Variants in PIBF1 observed in about 807,000 individuals in gnomAD.
The protein encoded by PIBF1 is progesterone-induced-blocking factor 1.
In PIBF1, 90 loss-of-function variants were observed where a neutral mutation model predicts 112.5. That is an observed-to-expected ratio of 0.80 (90% confidence interval 0.67 to 0.95). PIBF1 has a LOEUF of 0.95. Ranked by LOEUF, PIBF1 falls within the 40% of genes least tolerant of loss-of-function variation. PIBF1 has a pLI of 0.00. For missense variants in PIBF1, 915 were observed against 852.3 expected (o/e 1.07, Z -0.92); for synonymous variants, 301 against 288.6 (o/e 1.04, Z -0.44).
At chr13:72,914,685 G>A (rs770541975) in intron 12 of PIBF1, among the ~76,000 whole-genome samples, 11 of 152,160 alleles carry the variant, frequency 7.2e-5, no homozygotes, top group Admixed American at 1.3e-4. Flanking sequence ...CTGGGCTCAA[G>A]TGATTCCCCC....
intron 13 of PIBF1, among the ~76,000 whole-genome samples, chr13:72,920,764 C>T (rs2041258816): frequency 6.6e-6 from 1 of 151,720 alleles, no homozygotes; most frequent in African/African-American, 2.4e-5. Flanking sequence ...AGTCACTGCA[C>T]TCCAGTCTGG....
At chr13:72,967,442 A>T (rs7999637) in intron 15 of PIBF1, among the ~76,000 whole-genome samples, 17,617 of 152,188 alleles carry the variant, frequency 0.12, 2,946 homozygotes, top group African/African-American at 0.37. Flanking sequence ...TATAAAGATG[A>T]ACAAATTCAG....
At chr13:72,919,627 C>A (rs1051148192) in intron 13 of PIBF1, among the ~76,000 whole-genome samples, 2 of 152,124 alleles carry the variant, frequency 1.3e-5, no homozygotes, top group Non-Finnish European at 2.9e-5. Context: ...AGGTCATATT[C>A]TTTTCTCTAT....
At chr13:72,911,923 A>G (rs1328857078) in intron 12 of PIBF1, among the ~76,000 whole-genome samples, 1 of 152,014 alleles carries the variant, frequency 6.6e-6, no homozygotes, top group African/African-American at 2.4e-5. Context: ...TGAGCTCAGG[A>G]GTTCAAGATT....
chr13:72,797,760 G>A (rs2035265293), intron 4 of PIBF1, 147 bp from the exon 5 acceptor site: 1 of 571,194 alleles, frequency 1.8e-6, no homozygotes, highest in East Asian at 3.1e-5. Flanking sequence ...TTGATAGAAA[G>A]TATTAGTGGC....
chr13:72,868,828 TAAAA>T (rs56290400), intron 10 of PIBF1, among the ~76,000 whole-genome samples: 29 of 114,234 alleles, frequency 2.5e-4, no homozygotes, highest in Admixed American at 7.2e-4. Flanking sequence ...TCCCAAAAAG[TAAAA>T]AAAAAAAAAA....
chr13:72,807,870 A>G lies in PIBF1; in HGVS notation c.672+9844A>G, dbSNP rs897349686. ...GTAACTTGAATTTCACAATGACACC[A>G]GTATATTTATCAGTAAATTTCTGCC... On this transcript the variant is annotated intron_variant, in intron 5 of 17. Coordinates refer to ENST00000326291, the MANE Select transcript of PIBF1 (RefSeq NM_006346.4). 2.0e-5 allele frequency among the ~76,000 whole-genome samples: 3 copies of G among 152,228 alleles called. No individual in the cohort carries two copies. In the South Asian group the frequency reaches 6.2e-4, roughly 32 times the overall value.
chr13:72,916,261 G>T (rs1454274092), intron 12 of PIBF1, among the ~76,000 whole-genome samples: 4 of 151,760 alleles, frequency 2.6e-5, no homozygotes, highest in Non-Finnish European at 5.9e-5. Context: ...GCTTGGTGGT[G>T]GGCACCTGCA....
At chr13:72,947,095 C>T (rs1049031043) in intron 14 of PIBF1, among the ~76,000 whole-genome samples, 1 of 152,240 alleles carries the variant, frequency 6.6e-6, no homozygotes, top group Non-Finnish European at 1.5e-5. Flanking sequence ...CAGCAAACTT[C>T]TGCCTGAACA....
intron 16 of PIBF1, among the ~76,000 whole-genome samples, chr13:72,979,649 C>T (rs2043106792): frequency 6.6e-6 from 1 of 152,064 alleles, no homozygotes; most frequent in Non-Finnish European, 1.5e-5. Context: ...ATTGGCCGGG[C>T]GTGGTGGCTC....
At chr13:72,967,895 T>A (rs1336275679) in intron 15 of PIBF1, among the ~76,000 whole-genome samples, 1 of 152,098 alleles carries the variant, frequency 6.6e-6, no homozygotes, top group African/African-American at 2.4e-5. Context: ...ATAAAAATAT[T>A]CCATATCTGG....
At chr13:72,800,881 T>C (rs2035437853) in intron 5 of PIBF1, among the ~76,000 whole-genome samples, 3 of 152,124 alleles carry the variant, frequency 2.0e-5, no homozygotes, top group African/African-American at 7.2e-5. Flanking sequence ...GAAGAGAGCA[T>C]TGTCAGAATT....
chr13:72,973,146 C>T (rs1435572071), intron 15 of PIBF1, among the ~76,000 whole-genome samples: 2 of 152,030 alleles, frequency 1.3e-5, no homozygotes, highest in Non-Finnish European at 2.9e-5. Context: ...GTGATGTATG[C>T]CTGTAGTCCC....
chr13:72,823,263 A>C (rs1183667224), intron 6 of PIBF1, among the ~76,000 whole-genome samples: 1 of 152,206 alleles, frequency 6.6e-6, no homozygotes, highest in Non-Finnish European at 1.5e-5. Flanking sequence ...CATCGGGGCC[A>C]CGGATGATCA....
chr13:72,870,067 T>C (rs2138422962), intron 10 of PIBF1, among the ~76,000 whole-genome samples: 1 of 152,318 alleles, frequency 6.6e-6, no homozygotes, highest in East Asian at 1.9e-4. Flanking sequence ...TATAAATTTG[T>C]TCCCACATAA....
At chr13:72,800,280 C>T (rs1486264324) in intron 5 of PIBF1, among the ~76,000 whole-genome samples, 1 of 152,236 alleles carries the variant, frequency 6.6e-6, no homozygotes, top group Non-Finnish European at 1.5e-5. Context: ...AAGAGATCCA[C>T]CTGCCTTGGC....
At chr13:72,881,715 T>TG (rs1439726248) in intron 10 of PIBF1, among the ~76,000 whole-genome samples, 70 of 138,682 alleles carry the variant, frequency 5.0e-4, no homozygotes, top group African/African-American at 1.9e-3. Flanking sequence ...GACTCCATCT[T>TG]GAAAAAAAAA....
intron 11 of PIBF1, among the ~76,000 whole-genome samples, chr13:72,904,185 A>G (rs2040599360): frequency 6.6e-6 from 1 of 151,902 alleles, no homozygotes; most frequent in African/African-American, 2.4e-5. Flanking sequence ...CTGCATATGA[A>G]GGTTTATTTT....
chr13:72,909,288 G>C (rs997434944), intron 12 of PIBF1, among the ~76,000 whole-genome samples: 2 of 152,058 alleles, frequency 1.3e-5, no homozygotes, highest in African/African-American at 2.4e-5. Flanking sequence ...AGGAGTTCAT[G>C]GAAATAATTC....
Sources: gnomAD v4.1 joint callset for allele counts (sites outside exome capture counted in the v4.1 genomes callset) on GRCh38, gnomAD v4.1.1 for gene constraint, MANE v1.5 for transcripts, NCBI Gene and HGNC (gene_info 2026-07-23, HGNC 2026-07-21) for gene names.